Variants in RFX6 observed in about 807,000 individuals in gnomAD.
RFX6 encodes the protein DNA-binding protein RFX6.
A neutral mutation model predicts 110.8 loss-of-function variants in RFX6; 50 were observed. The ratio of observed to expected loss-of-function variants is 0.45; its 90% CI spans 0.36 to 0.57. The LOEUF (loss-of-function observed/expected upper bound fraction) is 0.57, where lower values mean the gene tolerates loss of function less well. RFX6 is among the 20% of genes least tolerant of loss of function. RFX6 has a pLI of 0.00. For missense variants in RFX6, 990 were observed against 1,127.0 expected (o/e 0.88, Z 1.74); for synonymous variants, 383 against 411.2 (o/e 0.93, Z 0.83).
intron 7 of RFX6, among the ~76,000 whole-genome samples, chr6:116,913,657 GTAT>G (rs1181400931): frequency 6.6e-6 from 1 of 152,106 alleles, no homozygotes; most frequent in Non-Finnish European, 1.5e-5. Flanking sequence ...AACAAATTAA[GTAT>G]TATGCTAATT....
rs564520932 is a variant in RFX6 at position 116,929,369 on chromosome 6, C to T, written c.2611+398C>T. Among the ~76,000 whole-genome samples, 105 of 152,250 alleles carry T rather than the reference C, an allele frequency of 6.9e-4. 1 individual carries two copies. The highest frequency in any genetic ancestry group is 2.5e-3 in the African/African-American group (102 of 41,546). On this transcript the variant is annotated intron_variant, in intron 18 of 18. Coordinates refer to ENST00000332958, the MANE Select transcript of RFX6 (RefSeq NM_173560.4). ...AGTGCCAAGAGATATCTTTAGGCCT[C>T]ATGATCTCCATCAGTATCCAAAAAT... is the stretch of plus-strand genomic sequence containing the variant.
intron 6 of RFX6, among the ~76,000 whole-genome samples, chr6:116,902,550 C>G (rs946928808): frequency 1.3e-5 from 2 of 151,846 alleles, no homozygotes. Flanking sequence ...AACAAATGAA[C>G]AAAACTTAAT....
intron 6 of RFX6, among the ~76,000 whole-genome samples, chr6:116,900,617 A>G (rs928578222): frequency 1.3e-5 from 2 of 152,100 alleles, no homozygotes; most frequent in African/African-American, 4.8e-5. Flanking sequence ...TTATTTCACT[A>G]TGAAATAAAA....
chr6:116,926,879 G>C, intron 16 of RFX6, 148 bp from the exon 17 acceptor site: 1 of 709,826 alleles, frequency 1.4e-6, no homozygotes, highest in South Asian at 1.8e-5. Context: ...CTGGATTTTT[G>C]GTGCTTTTCA....
intron 4 of RFX6, among the ~76,000 whole-genome samples, chr6:116,891,387 A>G (rs1394906505): frequency 6.6e-6 from 1 of 152,246 alleles, no homozygotes; most frequent in Non-Finnish European, 1.5e-5. Context: ...AGAGTTGAGA[A>G]ACAAGAAAAT....
Position 116,925,596 on chromosome 6 carries a change from G to T in RFX6, c.1822G>T (p.Gly608Ter). ...TYLPLPSSQP[G>*]GLGPALHQFP... ...TCTCCCTCTGCCATCCAGTCAACCTGGAGGCCTAGGCCCTGCTCTGCACCA... is the reference window on the plus strand; with the variant it reads ...TCTCCCTCTGCCATCCAGTCAACCTTGAGGCCTAGGCCCTGCTCTGCACCA... The change falls in exon 16 of 19, where the codon GGA becomes TGA. Residue 608 changes from glycine (G) to a stop codon, truncating the protein, a stop_gained. Coordinates refer to ENST00000332958, the MANE Select transcript of RFX6 (RefSeq NM_173560.4). LOFTEE classifies it high-confidence loss of function. 6.2e-7 allele frequency: 1 copy of T among 1,614,096 alleles called. No homozygotes were observed. Among genetic ancestry groups the T allele is most frequent in the Non-Finnish European group, 8.5e-7 (1 of 1,179,962 alleles).
intron 6 of RFX6, among the ~76,000 whole-genome samples, chr6:116,908,997 T>C (rs1458496379): frequency 2.0e-5 from 3 of 152,138 alleles, no homozygotes. Context: ...TGGGAAGTTA[T>C]CCTTTTTTCT....
Position 116,927,134 on chromosome 6 carries a change from C to T in RFX6, c.1993C>T (p.Pro665Ser), listed in dbSNP as rs769010999. 2.5e-5 allele frequency: 41 copies of T among 1,613,980 alleles called. No homozygotes were observed. The highest frequency in any genetic ancestry group is 3.5e-5 in the Non-Finnish European group (41 of 1,179,992). The change falls in exon 17 of 19, where the codon CCC becomes TCC. Residue 665 changes from proline (P) to serine (S), a missense_variant. Physicochemically the swap from Pro to Ser is moderately conservative, Grantham distance 74. Transcript: ENST00000332958. The stretch of plus-strand genomic sequence containing the variant: ...TAACCAAGGACCAATGGCAGGGAGG[C>T]CCCCAAGTGTGGGCCCAGTACTGTC... Reference protein sequence around the residue: ...VINQGPMAGRPPSVGPVLSAP... With the variant: ...VINQGPMAGRSPSVGPVLSAP...
intron 6 of RFX6, among the ~76,000 whole-genome samples, chr6:116,896,253 G>GAAAAATATT (rs918184847): frequency 2.0e-5 from 3 of 152,140 alleles, no homozygotes; most frequent in Non-Finnish European, 2.9e-5. Context: ...TGGAATAAAA[G>GAAAAATATT]AAAAATATTT....
Position 116,916,069 on chromosome 6 carries a change from A to G in RFX6, c.842A>G (p.Asn281Ser). The G allele has an allele frequency of 1.9e-6, 3 of 1,609,368 alleles. No individual in the cohort carries two copies. Among genetic ancestry groups the G allele is most frequent in the Non-Finnish European group, 2.6e-6 (3 of 1,175,880 alleles). Reference protein sequence around the residue: ...HCQCILDNAINGNFEEIQHFL... With the variant: ...HCQCILDNAISGNFEEIQHFL... The stretch of plus-strand genomic sequence containing the variant: ...CAGTGTATCCTGGACAATGCAATTA[A>G]TGGAAACTTTGAAGAGGTAAGAATG... The change falls in exon 8 of 19, where the codon AAT becomes AGT. Residue 281 changes from asparagine to serine, a missense_variant. Transcript: ENST00000332958.
chr6:116,906,249 T>G (rs1005893419), intron 6 of RFX6, among the ~76,000 whole-genome samples: 2 of 152,232 alleles, frequency 1.3e-5, no homozygotes, highest in Non-Finnish European at 2.9e-5. Flanking sequence ...TTCATGACAG[T>G]ACCATATTGT....
At chr6:116,922,604 C>G (rs1393725640) in intron 13 of RFX6, among the ~76,000 whole-genome samples, 11 of 152,028 alleles carry the variant, frequency 7.2e-5, no homozygotes, top group Non-Finnish European at 1.6e-4. Flanking sequence ...TTTGGTTAAC[C>G]TAGTCACCCA....
Position 116,923,193 on chromosome 6 carries a change from TA to T in RFX6, c.1526del (p.Asn509IlefsTer4). On this transcript the variant is annotated frameshift_variant, in exon 14 of 19. Coordinates refer to ENST00000332958, the MANE Select transcript of RFX6 (RefSeq NM_173560.4). LOFTEE classifies it high-confidence loss of function. ...WSFFGARVMH[N>X]LTLNNASSFG... is the part of the protein sequence containing the mutation. ...GTTTTTTTGGTGCTCGAGTAATGCA[TA>T]ATCTCACCTTGAACAATGCATCCAG... 6.3e-7 allele frequency: 1 copy of T among 1,583,386 alleles called. No homozygotes were observed. Among genetic ancestry groups the T allele is most frequent in the Non-Finnish European group, 8.7e-7 (1 of 1,152,170 alleles).
intron 7 of RFX6, among the ~76,000 whole-genome samples, chr6:116,912,693 T>A (rs934064387): frequency 6.6e-6 from 1 of 152,040 alleles, no homozygotes; most frequent in African/African-American, 2.4e-5. Context: ...TAAATATACC[T>A]GGTGAGAGAG....
chr6:116,911,042 G>A lies in RFX6; in HGVS notation c.780G>A (p.Lys260=), dbSNP rs753986835. 1 of 1,579,048 alleles carries A rather than the reference G, an allele frequency of 6.3e-7. No individual in the cohort carries two copies. Among genetic ancestry groups the A allele is most frequent in the Non-Finnish European group, 8.7e-7 (1 of 1,148,398 alleles). Residue 260 remains lysine, a splice_region_variant and synonymous_variant, in exon 7 of 19, where the codon AAG becomes AAA. Coordinates refer to ENST00000332958, the MANE Select transcript of RFX6 (RefSeq NM_173560.4). The part of the protein sequence containing the change: ...LVYQGCISKD[K]VDTLIMMYKT... ...ACCAAGGATGCATTTCTAAGGACAA[G>A]GTATCAATTACAGATACTTCTCTAT...
At chr6:116,906,672 G>A (rs887734830) in intron 6 of RFX6, among the ~76,000 whole-genome samples, 1 of 151,846 alleles carries the variant, frequency 6.6e-6, no homozygotes, top group African/African-American at 2.4e-5. Context: ...TTCATTATTA[G>A]TGAATATAAA....
chr6:116,900,688 A>G (rs1348722524), intron 6 of RFX6, among the ~76,000 whole-genome samples: 1 of 152,214 alleles, frequency 6.6e-6, no homozygotes. Context: ...ATGCAGACAG[A>G]AAATTATGCA....
chr6:116,886,071 C>T (rs1034660898), intron 4 of RFX6, among the ~76,000 whole-genome samples: 1 of 151,966 alleles, frequency 6.6e-6, no homozygotes, highest in Admixed American at 6.6e-5. Flanking sequence ...CATAATTTCT[C>T]CCAATTTTAC....
chr6:116,929,209 CA>C (rs543647034), intron 18 of RFX6, among the ~76,000 whole-genome samples: 1 of 151,512 alleles, frequency 6.6e-6, no homozygotes, highest in Non-Finnish European at 1.5e-5. Flanking sequence ...TTACTTTTTA[CA>C]AAAAAAATAG....
Sources: gnomAD v4.1 joint callset for allele counts (sites outside exome capture counted in the v4.1 genomes callset) on GRCh38, gnomAD v4.1.1 for gene constraint, MANE v1.5 for transcripts, NCBI Gene and HGNC (gene_info 2026-07-23, HGNC 2026-07-21) for gene names.